Variants in SLC8A1 observed in about 807,000 individuals in gnomAD.
SLC8A1 encodes the protein solute carrier family 8 member A1, also known as sodium/calcium exchanger 1.
SLC8A1 carries 18 observed loss-of-function variants against 68.3 expected under a neutral mutation model. The observed-to-expected ratio is 0.26, with a 90% CI of 0.18 to 0.39. The LOEUF is 0.39. SLC8A1 is among the 10% of genes least tolerant of loss of function. The pLI is 1.00. For missense variants in SLC8A1, 985 were observed against 1,156.7 expected (o/e 0.85, Z 2.15); for synonymous variants, 475 against 415.5 (o/e 1.14, Z -1.74).
chr2:40,118,068 A>G (rs2035879216), intron 7 of SLC8A1, among the ~76,000 whole-genome samples: 1 of 152,216 alleles, frequency 6.6e-6, no homozygotes, highest in South Asian at 2.1e-4. Context: ...TGCTTATTCC[A>G]TGCTAGGCAC....
intron 2 of SLC8A1, among the ~76,000 whole-genome samples, chr2:40,393,634 A>G (rs1685997106): frequency 6.6e-6 from 1 of 152,164 alleles, no homozygotes; most frequent in Non-Finnish European, 1.5e-5. Context: ...GGGTGCTCCC[A>G]GCAAAACTAA....
exon 8 of SLC8A1, chr2:40,105,798 G>T (rs1463181565): frequency 1.3e-5 from 2 of 152,230 alleles, no homozygotes; most frequent in Non-Finnish European, 2.9e-5. Context: ...TATCCGACAA[G>T]GGGCTGAGCT....
intron 4 of SLC8A1, among the ~76,000 whole-genome samples, chr2:40,172,423 T>C (rs1257526207): frequency 5.9e-5 from 9 of 152,024 alleles, no homozygotes; most frequent in Non-Finnish European, 2.9e-5. Context: ...GTTTCAGCCA[T>C]AGGAAGAACT....
intron 1 of SLC8A1, among the ~76,000 whole-genome samples, chr2:40,475,410 G>T: frequency 6.6e-6 from 1 of 152,116 alleles, no homozygotes; most frequent in East Asian, 1.9e-4. Flanking sequence ...TGGGATTACA[G>T]GCATGAGCCA....
intron 2 of SLC8A1, among the ~76,000 whole-genome samples, chr2:40,241,184 T>G (rs2061172504): frequency 6.6e-6 from 1 of 152,042 alleles, no homozygotes; most frequent in Non-Finnish European, 1.5e-5. Context: ...AAGAACAAAA[T>G]CATGGTTTTT....
At chr2:40,122,825 G>A (rs2373791) in intron 7 of SLC8A1, among the ~76,000 whole-genome samples, 55,712 of 152,034 alleles carry the variant, frequency 0.37, 11,344 homozygotes, top group Middle Eastern at 0.49. Context: ...TGAAAAATTA[G>A]CTATTTTTCA....
At chr2:40,097,575 G>T (rs2033646950) in exon 8 of SLC8A1, 2 of 151,978 alleles carry the variant, frequency 1.3e-5, no homozygotes, top group East Asian at 3.8e-4. Flanking sequence ...CATGCAGGAA[G>T]AGTCATTTAT....
At chr2:40,409,293 A>G (rs1329796280) in intron 2 of SLC8A1, among the ~76,000 whole-genome samples, 1 of 152,116 alleles carries the variant, frequency 6.6e-6, no homozygotes, top group African/African-American at 2.4e-5. Flanking sequence ...CTACGGGAAA[A>G]AACAAATCTG....
intron 2 of SLC8A1, among the ~76,000 whole-genome samples, chr2:40,389,872 A>C (rs1291190835): frequency 6.6e-6 from 1 of 150,832 alleles, no homozygotes; most frequent in Non-Finnish European, 1.5e-5. Flanking sequence ...TCAATGTTAT[A>C]ATCAGCCAGT....
At chr2:40,256,792 G>C (rs978605197) in intron 2 of SLC8A1, among the ~76,000 whole-genome samples, 2 of 152,132 alleles carry the variant, frequency 1.3e-5, no homozygotes, top group African/African-American at 4.8e-5. Flanking sequence ...TGAGGCCAAG[G>C]GTACTTCCTG....
intron 2 of SLC8A1, among the ~76,000 whole-genome samples, chr2:40,356,972 C>T (rs1412264294): frequency 6.6e-6 from 1 of 152,166 alleles, no homozygotes; most frequent in South Asian, 2.1e-4. Flanking sequence ...CTATTATAAA[C>T]AAGAACACTC....
intron 2 of SLC8A1, among the ~76,000 whole-genome samples, chr2:40,352,271 T>C (rs1356898206): frequency 1.3e-5 from 2 of 152,202 alleles, no homozygotes; most frequent in Non-Finnish European, 2.9e-5. Flanking sequence ...AAGCAGAAGT[T>C]AAATTTAACC....
chr2:40,189,715 A>T (rs763492702), intron 2 of SLC8A1: 6 of 152,188 alleles, frequency 3.9e-5, no homozygotes, highest in Non-Finnish European at 7.3e-5. Flanking sequence ...AGAAATTAAC[A>T]TTTTAAAATG....
At chr2:40,445,964 C>A (rs763074600) in intron 1 of SLC8A1, among the ~76,000 whole-genome samples, 1 of 152,186 alleles carries the variant, frequency 6.6e-6, no homozygotes, top group East Asian at 1.9e-4. Context: ...CTCATTCTCT[C>A]AACCTGCTAC....
chr2:40,254,183 TA>T (rs1197306197), intron 2 of SLC8A1, among the ~76,000 whole-genome samples: 61 of 114,676 alleles, frequency 5.3e-4, no homozygotes, highest in East Asian at 5.2e-4. Context: ...AAAATTAATA[TA>T]AAAAAAGAAA....
chr2:40,366,232 A>G (rs956146919), intron 2 of SLC8A1, among the ~76,000 whole-genome samples: 7 of 152,072 alleles, frequency 4.6e-5, no homozygotes, highest in African/African-American at 1.7e-4. Flanking sequence ...TGCACTCAAC[A>G]ATGTTAACTT....
chr2:40,232,445 G>C (rs2059777787), intron 2 of SLC8A1, among the ~76,000 whole-genome samples: 1 of 150,154 alleles, frequency 6.7e-6, no homozygotes, highest in African/African-American at 2.5e-5. Flanking sequence ...GGTTTATATA[G>C]AGTGGTGTGC....
chr2:40,255,536 CTCAGTGCT>C (rs1387935390), intron 2 of SLC8A1, among the ~76,000 whole-genome samples: 1 of 152,182 alleles, frequency 6.6e-6, no homozygotes, highest in Admixed American at 6.5e-5. Context: ...GTCAGGAAAC[CTCAGTGCT>C]TCAGGTTCTC....
At chr2:40,469,629 T>C (rs1018993827) in intron 1 of SLC8A1, among the ~76,000 whole-genome samples, 1 of 152,110 alleles carries the variant, frequency 6.6e-6, no homozygotes, top group Non-Finnish European at 1.5e-5. Context: ...TTTGAGGAAA[T>C]CAAGTTTTTG....
Sources: allele counts gnomAD v4.1 joint callset (sites outside exome capture counted in the v4.1 genomes callset), GRCh38; gene constraint gnomAD v4.1.1; transcripts MANE v1.5; gene names NCBI Gene and HGNC (gene_info 2026-07-23, HGNC 2026-07-21).